KAZN: variants seen among roughly 807,000 people sequenced by gnomAD.
KAZN encodes the protein kazrin, periplakin interacting protein, also known as kazrin.
In KAZN, 40 loss-of-function variants were observed where a neutral mutation model predicts 87.4. The ratio of observed to expected loss-of-function variants is 0.46; its 90% CI spans 0.36 to 0.60. KAZN has a LOEUF of 0.60. KAZN is among the 20% of genes least tolerant of loss of function. KAZN has a pLI of 0.00. For missense variants in KAZN, 898 were observed against 1,073.9 expected (o/e 0.84, Z 2.29); for synonymous variants, 466 against 458.3 (o/e 1.02, Z -0.22).
chr1:14,878,863 G>A (rs992085398), intron 1 of KAZN, among the ~76,000 whole-genome samples: 8 of 152,154 alleles, frequency 5.3e-5, no homozygotes, highest in East Asian at 1.9e-4. Flanking sequence ...ATTCATGAAC[G>A]TATAAAATGA....
At chr1:14,983,481 C>T (rs541651797) in intron 2 of KAZN, among the ~76,000 whole-genome samples, 4 of 152,214 alleles carry the variant, frequency 2.6e-5, no homozygotes, top group South Asian at 4.2e-4. Flanking sequence ...AGCGCCCTCA[C>T]CTGTGGTCGG....
intron 8 of KAZN, among the ~76,000 whole-genome samples, chr1:15,086,827 G>A (rs1191662535): frequency 1.3e-5 from 2 of 152,208 alleles, no homozygotes; most frequent in Non-Finnish European, 2.9e-5. Context: ...AAGGTAAATA[G>A]GTATAGTGAC....
intron 1 of KAZN, among the ~76,000 whole-genome samples, chr1:14,789,843 T>C (rs1282698551): frequency 6.7e-6 from 1 of 148,324 alleles, no homozygotes; most frequent in Non-Finnish European, 1.5e-5. Context: ...ATATGTTTGC[T>C]GAATTAAAGC....
intron 2 of KAZN, among the ~76,000 whole-genome samples, chr1:14,984,908 C>T (rs913658063): frequency 5.9e-5 from 9 of 151,688 alleles, no homozygotes; most frequent in South Asian, 2.1e-4. Flanking sequence ...GAGGCCAAGG[C>T]GGGCAGATCA....
At chr1:14,187,781 C>T (rs569745044) in intron 2 of KAZN, among the ~76,000 whole-genome samples, 1 of 152,278 alleles carries the variant, frequency 6.6e-6, no homozygotes, top group African/African-American at 2.4e-5. Flanking sequence ...ATTGAGAAAC[C>T]CTACTTTAGG....
intron 2 of KAZN, among the ~76,000 whole-genome samples, chr1:14,326,385 C>T (rs1056456593): frequency 4.6e-5 from 7 of 152,160 alleles, no homozygotes; most frequent in African/African-American, 1.7e-4. Context: ...TATCCAGAAT[C>T]CAAACTCCTC....
chr1:14,866,938 A>C (rs577264526), intron 1 of KAZN, among the ~76,000 whole-genome samples: 1 of 152,344 alleles, frequency 6.6e-6, no homozygotes, highest in South Asian at 2.1e-4. Flanking sequence ...CAGTGGAGAT[A>C]CACAATAATG....
intron 2 of KAZN, among the ~76,000 whole-genome samples, chr1:14,247,696 G>C: frequency 6.6e-6 from 1 of 152,194 alleles, no homozygotes; most frequent in Admixed American, 6.5e-5. Flanking sequence ...ACATAGTCTA[G>C]ATTGAGTATA....
intron 2 of KAZN, among the ~76,000 whole-genome samples, chr1:14,371,387 A>ATC: frequency 6.6e-6 from 1 of 152,184 alleles, no homozygotes; most frequent in Non-Finnish European, 1.5e-5. Context: ...CACAATGGAG[A>ATC]CCATGCTTTT....
intron 2 of KAZN, among the ~76,000 whole-genome samples, chr1:14,206,015 G>A (rs1646736980): frequency 6.7e-6 from 1 of 149,624 alleles, no homozygotes; most frequent in South Asian, 2.1e-4. Context: ...AAAACTTAAA[G>A]TATAATAAAT....
At chr1:14,811,247 T>C (rs1458666232) in intron 1 of KAZN, among the ~76,000 whole-genome samples, 1 of 144,802 alleles carries the variant, frequency 6.9e-6, no homozygotes, top group Non-Finnish European at 1.5e-5. Context: ...TCTTGTGGTA[T>C]TTATGTGTTT....
chr1:15,027,121 G>A lies in KAZN; in HGVS notation c.419-7628G>A, dbSNP rs984735306. On this transcript the variant is annotated intron_variant, in intron 2 of 14. Transcript: ENST00000376030. ...TTTTGAGACAGAGTCTCGCTCTGTC[G>A]CCCAGGCTGGAGTGCAGTGGCGCGA... is the stretch of plus-strand genomic sequence containing the variant. Among the ~76,000 whole-genome samples the A allele has an allele frequency of 1.1e-4, 12 of 106,256 alleles. No individual in the cohort carries two copies. In the Admixed American group the frequency reaches 1.3e-3, roughly 12 times the overall value. The allele number at this position is 106,256 out of a possible 152,430, so 69.7% of individuals were successfully genotyped here.
chr1:14,169,606 G>A (rs1645908161), intron 1 of KAZN, among the ~76,000 whole-genome samples: 2 of 152,262 alleles, frequency 1.3e-5, no homozygotes, highest in African/African-American at 2.4e-5. Context: ...GTCCATCCCC[G>A]AGGACTGTCC....
chr1:14,899,844 G>A lies in KAZN; in HGVS notation c.227-60840G>A, dbSNP rs1395919764. Among the ~76,000 whole-genome samples the A allele has an allele frequency of 1.1e-4, 17 of 152,242 alleles. No homozygotes were observed. The East Asian group carries it at 1.2e-3, about 10-fold the overall frequency. ...ACTGTCCTCATTTCAGTCTCCCTTC[G>A]TAACTCTGCGTTTTTGCTCTGGGCA... On this transcript the variant is annotated intron_variant, in intron 1 of 14. Coordinates refer to ENST00000376030, the MANE Select transcript of KAZN (RefSeq NM_201628.3).
intron 2 of KAZN, among the ~76,000 whole-genome samples, chr1:14,516,728 T>A (rs1392871964): frequency 6.6e-6 from 1 of 152,188 alleles, no homozygotes; most frequent in African/African-American, 2.4e-5. Flanking sequence ...CCCTTCCTAT[T>A]TCCAAAGGGG....
chr1:14,025,009 A>G (rs1454262219), intron 1 of KAZN, among the ~76,000 whole-genome samples: 1 of 152,220 alleles, frequency 6.6e-6, no homozygotes, highest in African/African-American at 2.4e-5. Flanking sequence ...ATTAGGTCAG[A>G]TCAAAGCACA....
intron 1 of KAZN, among the ~76,000 whole-genome samples, chr1:14,883,858 T>A (rs890488929): frequency 2.0e-5 from 3 of 152,178 alleles, no homozygotes; most frequent in African/African-American, 7.2e-5. Flanking sequence ...CAAACACCCC[T>A]TACGGTTTGG....
At position 14,086,356 on chromosome 1, in the gene KAZN, G is replaced by T. The variant is rs117307139; in HGVS notation, c.92-94079G>T. 6.5e-3 allele frequency among the ~76,000 whole-genome samples: 989 copies of T among 152,110 alleles called. 10 individuals are homozygous for T. The South Asian group carries it at 0.066, about 10-fold the overall frequency. On this transcript the variant is annotated intron_variant, in intron 1 of 16. Coordinates refer to the KAZN transcript ENST00000636203. ...TTCCTGATGCTCCTCCCCTCCCCCA[G>T]GTCTCCCCCAACAGGACCCAGTGTA...
intron 1 of KAZN, among the ~76,000 whole-genome samples, chr1:14,089,220 G>C (rs1557466100): frequency 1.3e-5 from 2 of 151,786 alleles, no homozygotes. Context: ...ATGTAGATGG[G>C]TCTTGCCGTT....
Sources: allele counts gnomAD v4.1 joint callset (sites outside exome capture counted in the v4.1 genomes callset), GRCh38; gene constraint gnomAD v4.1.1; transcripts MANE v1.5; gene names NCBI Gene and HGNC (gene_info 2026-07-23, HGNC 2026-07-21).